Variants in RIC1 observed in about 807,000 individuals in gnomAD.
RIC1 encodes the protein guanine nucleotide exchange factor subunit RIC1.
RIC1 carries 88 observed loss-of-function variants against 169.0 expected under a neutral mutation model. The observed-to-expected ratio is 0.52, with a 90% confidence interval of 0.44 to 0.62. RIC1 has a LOEUF of 0.62. Among genes scored for constraint, RIC1 ranks in the 20% least tolerant of loss-of-function variants. RIC1 has a pLI of 0.00. For missense variants in RIC1, 1,877 were observed against 1,725.5 expected (o/e 1.09, Z -1.56); for synonymous variants, 790 against 601.5 (o/e 1.31, Z -4.59).
At chr9:5,721,916 T>C (rs1823614283) in intron 6 of RIC1, among the ~76,000 whole-genome samples, 1 of 151,678 alleles carries the variant, frequency 6.6e-6, no homozygotes, top group Admixed American at 6.6e-5. Context: ...GAGATGGAAT[T>C]TTGCTCTTGT....
rs187399528 is a variant in RIC1 at position 5,637,131 on chromosome 9, C to T, written c.144+7678C>T. ...TTGGAGTGCAGTGGCACAATCTCAG[C>T]TCACTGCAATCTCTGCCTACTGGGC... On this transcript the variant is annotated intron_variant, in intron 1 of 25. Transcript: ENST00000414202. 3.2e-3 allele frequency among the ~76,000 whole-genome samples: 486 copies of T among 152,266 alleles called. 2 individuals carry two copies. The highest frequency in any genetic ancestry group is 0.01 in the Middle Eastern group (3 of 294).
At chr9:5,684,364 T>TTGGA (rs1275549231) in intron 2 of RIC1, among the ~76,000 whole-genome samples, 1 of 146,588 alleles carries the variant, frequency 6.8e-6, no homozygotes, top group African/African-American at 2.5e-5. Flanking sequence ...CATTGAATCT[T>TTGGA]TGGATCCATT....
intron 5 of RIC1, 31 bp downstream of exon 5, chr9:5,720,355 AGTT>A: frequency 6.3e-7 from 1 of 1,587,028 alleles, no homozygotes; most frequent in Non-Finnish European, 8.6e-7. Context: ...AGGTTGAACC[AGTT>A]GTTTAATGTT....
intron 2 of RIC1, among the ~76,000 whole-genome samples, chr9:5,676,197 G>A (rs1373878108): frequency 6.6e-6 from 1 of 152,170 alleles, no homozygotes; most frequent in East Asian, 1.9e-4. Flanking sequence ...GATTACAGAT[G>A]TGAGCCACTG....
At chr9:5,755,526 A>G (rs1825956089) in intron 15 of RIC1, among the ~76,000 whole-genome samples, 1 of 152,230 alleles carries the variant, frequency 6.6e-6, no homozygotes, top group Non-Finnish European at 1.5e-5. Context: ...GGTTGACTGT[A>G]GATAACTGAA....
intron 12 of RIC1, among the ~76,000 whole-genome samples, chr9:5,751,022 A>G (rs1825693771): frequency 1.3e-5 from 2 of 151,852 alleles, no homozygotes; most frequent in Non-Finnish European, 2.9e-5. Flanking sequence ...TTTTATAGAT[A>G]TTGATCATAG....
intron 2 of RIC1, among the ~76,000 whole-genome samples, chr9:5,677,812 A>T (rs890972977): frequency 6.6e-6 from 1 of 152,130 alleles, no homozygotes; most frequent in African/African-American, 2.4e-5. Context: ...ACTTCCACTG[A>T]ACAAACATTT....
chr9:5,729,308 G>T (rs1052803699), intron 6 of RIC1, among the ~76,000 whole-genome samples: 1 of 152,128 alleles, frequency 6.6e-6, no homozygotes, highest in African/African-American at 2.4e-5. Context: ...TTTATTGGCT[G>T]CTCAGCTTTG....
intron 23 of RIC1, among the ~76,000 whole-genome samples, chr9:5,772,234 A>G (rs1283276891): frequency 6.6e-6 from 1 of 152,054 alleles, no homozygotes; most frequent in Non-Finnish European, 1.5e-5. Flanking sequence ...TTACATCTCC[A>G]TGGTTTAGTT....
intron 3 of RIC1, among the ~76,000 whole-genome samples, chr9:5,698,878 G>A (rs1299601219): frequency 1.3e-5 from 2 of 152,138 alleles, no homozygotes; most frequent in Non-Finnish European, 2.9e-5. Flanking sequence ...AAAAGAAGGG[G>A]ATTCTAGTTC....
At chr9:5,709,700 A>G (rs1822819712) in intron 3 of RIC1, among the ~76,000 whole-genome samples, 1 of 152,138 alleles carries the variant, frequency 6.6e-6, no homozygotes, top group African/African-American at 2.4e-5. Context: ...TTATCAAATT[A>G]TAGTTGAATT....
chr9:5,723,932 A>G (rs1160616842), intron 6 of RIC1, among the ~76,000 whole-genome samples: 2 of 152,186 alleles, frequency 1.3e-5, no homozygotes, highest in Admixed American at 1.3e-4. Flanking sequence ...CTGTTTTGGT[A>G]CCAGTACCAT....
chr9:5,654,844 C>G lies in RIC1; in HGVS notation c.145-1739C>G, dbSNP rs139249975. ...TAGGGATTACAGGCATGAGCTACTGCGCCTGGCCTGCAAATGTGTTTATAA... is the reference window on the plus strand; with the variant it reads ...TAGGGATTACAGGCATGAGCTACTGGGCCTGGCCTGCAAATGTGTTTATAA... On this transcript the variant is annotated intron_variant, in intron 1 of 25. Coordinates refer to ENST00000414202, the MANE Select transcript of RIC1 (RefSeq NM_020829.4). Among the ~76,000 whole-genome samples, 45 of 152,242 alleles carry G rather than the reference C, an allele frequency of 3.0e-4. 1 individual carries two copies. The highest frequency in any genetic ancestry group is 8.5e-4 in the Admixed American group (13 of 15,296).
intron 7 of RIC1, among the ~76,000 whole-genome samples, chr9:5,737,057 A>G (rs1824758148): frequency 6.6e-6 from 1 of 152,144 alleles, no homozygotes; most frequent in Non-Finnish European, 1.5e-5. Flanking sequence ...CTTATATTAA[A>G]AAGTGTCTTT....
At chr9:5,720,561 G>C (rs1046304115) in intron 5 of RIC1, 53 bp from the exon 6 acceptor site, 4 of 1,499,670 alleles carry the variant, frequency 2.7e-6, no homozygotes, top group Non-Finnish European at 3.6e-6. Flanking sequence ...AAAAGTGAGA[G>C]AGTAATTTAT....
At chr9:5,776,949 A>C (rs1235622139), downstream of RIC1, among the ~76,000 whole-genome samples, 1 of 152,058 alleles carries the variant, frequency 6.6e-6, no homozygotes, top group East Asian at 1.9e-4. Flanking sequence ...GTCTCCATGG[A>C]TTTGCCTATT....
At chr9:5,659,102 C>CA (rs980589434) in intron 2 of RIC1, among the ~76,000 whole-genome samples, 31 of 151,738 alleles carry the variant, frequency 2.0e-4, no homozygotes, top group African/African-American at 6.8e-4. Flanking sequence ...TGTATATTAC[C>CA]AAAAAAAGTT....
chr9:5,731,722 GT>G (rs1361867221), intron 6 of RIC1, among the ~76,000 whole-genome samples: 5 of 152,140 alleles, frequency 3.3e-5, no homozygotes, highest in Non-Finnish European at 7.4e-5. Flanking sequence ...TTGAATGCTT[GT>G]TGAATGGTAG....
intron 1 of RIC1, among the ~76,000 whole-genome samples, chr9:5,640,896 T>G (rs1352132966): frequency 6.6e-6 from 1 of 152,160 alleles, no homozygotes; most frequent in Non-Finnish European, 1.5e-5. Context: ...TTGTTTGTTT[T>G]TTTTGTCAGC....
Sources: allele counts gnomAD v4.1 joint callset (sites outside exome capture counted in the v4.1 genomes callset), GRCh38; gene constraint gnomAD v4.1.1; transcripts MANE v1.5; gene names NCBI Gene and HGNC (gene_info 2026-07-23, HGNC 2026-07-21).